Variants in CNOT6 observed in about 807,000 individuals in gnomAD.
CNOT6 encodes carbon catabolite repression 4 protein.
CNOT6 carries 12 observed loss-of-function variants against 61.2 expected under a neutral mutation model. The observed-to-expected ratio is 0.20, with a 90% CI of 0.13 to 0.32. The LOEUF (loss-of-function observed/expected upper bound fraction) is 0.32, where lower values mean the gene tolerates loss of function less well. Ranked by LOEUF, CNOT6 falls within the 10% of genes least tolerant of loss-of-function variation. CNOT6 has a pLI of 1.00. For missense variants in CNOT6, 405 were observed against 663.9 expected, an observed-to-expected ratio of 0.61 and a Z score of 4.28; for synonymous variants, 225 against 240.6, an observed-to-expected ratio of 0.94 and a Z score of 0.60.
intron 10 of CNOT6, among the ~76,000 whole-genome samples, chr5:180,570,465 A>C (rs971330434): frequency 1.3e-5 from 2 of 152,256 alleles, no homozygotes; most frequent in African/African-American, 4.8e-5. Context: ...TCATCAAGTT[A>C]TCTGGGGATT....
At chr5:180,561,980 A>G (rs761906692) in intron 4 of CNOT6, among the ~76,000 whole-genome samples, 1 of 152,148 alleles carries the variant, frequency 6.6e-6, no homozygotes, top group Non-Finnish European at 1.5e-5. Context: ...TTTAGTGTTA[A>G]GCTTGAGTAC....
chr5:180,567,047 T>C, intron 7 of CNOT6, 41 bp from the exon 8 acceptor site: 1 of 1,561,002 alleles, frequency 6.4e-7, no homozygotes, highest in Non-Finnish European at 8.7e-7. Flanking sequence ...GCAGACTAAT[T>C]TTTGTCTTAT....
chr5:180,508,834 T>TTA (rs748509510), intron 1 of CNOT6, among the ~76,000 whole-genome samples: 674 of 49,458 alleles, frequency 0.014, 6 homozygotes, highest in African/African-American at 0.026. Flanking sequence ...ATTATTATTA[T>TTA]TTTTTTTTGA....
intron 7 of CNOT6, 52 bp from the exon 8 acceptor site, chr5:180,567,036 T>G (rs918657622): frequency 6.6e-7 from 1 of 1,511,500 alleles, no homozygotes; most frequent in Non-Finnish European, 9.0e-7. Context: ...GAAGTTAATA[T>G]GCAGACTAAT....
At chr5:180,543,752 C>T (rs186983431) in intron 2 of CNOT6, among the ~76,000 whole-genome samples, 3 of 151,972 alleles carry the variant, frequency 2.0e-5, no homozygotes, top group South Asian at 4.1e-4. Flanking sequence ...GGATATTAGT[C>T]TTTTTTATTT....
intron 2 of CNOT6, among the ~76,000 whole-genome samples, chr5:180,540,026 G>A (rs368221030): frequency 2.0e-5 from 3 of 152,030 alleles, no homozygotes; most frequent in Admixed American, 6.6e-5. Context: ...AGACTTTCTG[G>A]TTCTGTTCCT....
intron 1 of CNOT6, among the ~76,000 whole-genome samples, chr5:180,503,488 C>T (rs1756980723): frequency 6.6e-6 from 1 of 151,564 alleles, no homozygotes; most frequent in South Asian, 2.1e-4. Flanking sequence ...TGGTCTCGAA[C>T]TCCTGACCTG....
chr5:180,566,899 C>T (rs1760493114), intron 7 of CNOT6, among the ~76,000 whole-genome samples, 189 bp from the exon 8 acceptor site: 1 of 151,896 alleles, frequency 6.6e-6, no homozygotes, highest in Non-Finnish European at 1.5e-5. Flanking sequence ...AGTGATCCGC[C>T]CGCCTCGGCC....
chr5:180,563,330 C>T (rs1252490169), intron 4 of CNOT6, among the ~76,000 whole-genome samples: 1 of 152,062 alleles, frequency 6.6e-6, no homozygotes, highest in East Asian at 1.9e-4. Flanking sequence ...ATTCTCCTGC[C>T]TCAGCCTCCT....
chr5:180,549,199 T>A (rs2127742667), intron 2 of CNOT6, among the ~76,000 whole-genome samples: 1 of 152,354 alleles, frequency 6.6e-6, no homozygotes, highest in East Asian at 1.9e-4. Context: ...TTTTTGTTTT[T>A]AGGCAAAATT....
At chr5:180,518,191 A>G (rs958098573) in intron 1 of CNOT6, among the ~76,000 whole-genome samples, 3 of 152,192 alleles carry the variant, frequency 2.0e-5, no homozygotes, top group Non-Finnish European at 4.4e-5. Flanking sequence ...CTTACTGCTC[A>G]AATGGTCATA....
chr5:180,497,673 G>T (rs937943097), intron 1 of CNOT6, among the ~76,000 whole-genome samples: 2 of 152,158 alleles, frequency 1.3e-5, no homozygotes, highest in Admixed American at 1.3e-4. Context: ...TGGATATGTA[G>T]ATATCTTTAT....
At chr5:180,545,105 A>G (rs1759247715) in intron 2 of CNOT6, among the ~76,000 whole-genome samples, 1 of 147,430 alleles carries the variant, frequency 6.8e-6, no homozygotes, top group Non-Finnish European at 1.5e-5. Context: ...TTCTGTTTAT[A>G]GCAAAGTAAG....
chr5:180,523,776 G>T lies in CNOT6; in HGVS notation c.-2-5499G>T, dbSNP rs146349579. 5.5e-4 allele frequency among the ~76,000 whole-genome samples: 84 copies of T among 151,906 alleles called. No individual in the cohort carries two copies. In the East Asian group the frequency reaches 0.014, roughly 26 times the overall value. ...TGTGAAGTAGACTGGATTCCTGAAG[G>T]TTTTTTTTCTCCCTCTAGATTCTGG... On this transcript the variant is annotated intron_variant, in intron 1 of 11. Coordinates refer to ENST00000261951, the MANE Select transcript of CNOT6 (RefSeq NM_001370472.1).
intron 2 of CNOT6, among the ~76,000 whole-genome samples, chr5:180,533,311 C>T (rs1394530321): frequency 1.5e-5 from 1 of 65,224 alleles, no homozygotes; most frequent in Admixed American, 1.5e-4. Context: ...TGGATGAAAA[C>T]CTATATATAT....
At chr5:180,500,046 G>T (rs1352681052) in intron 1 of CNOT6, among the ~76,000 whole-genome samples, 1 of 152,024 alleles carries the variant, frequency 6.6e-6, no homozygotes, top group Non-Finnish European at 1.5e-5. Context: ...TGCTCAAATT[G>T]TTCTCTAATT....
At chr5:180,501,339 C>G (rs761436570) in intron 1 of CNOT6, among the ~76,000 whole-genome samples, 3 of 152,148 alleles carry the variant, frequency 2.0e-5, no homozygotes, top group Non-Finnish European at 4.4e-5. Flanking sequence ...TGATTCAGAA[C>G]TTGTTTAGCT....
At chr5:180,555,010 CTTT>C (rs34968726) in intron 4 of CNOT6, among the ~76,000 whole-genome samples, 1 of 140,496 alleles carries the variant, frequency 7.1e-6, no homozygotes, top group Non-Finnish European at 1.6e-5. Context: ...CACAAATTTG[CTTT>C]TTTTTTTTTT....
At chr5:180,521,098 C>T (rs962301042) in intron 1 of CNOT6, among the ~76,000 whole-genome samples, 5 of 152,072 alleles carry the variant, frequency 3.3e-5, no homozygotes, top group East Asian at 1.9e-4. Flanking sequence ...CTTGGCCTCC[C>T]GAAGTGCTAG....
Sources: gnomAD v4.1 joint callset for allele counts (sites outside exome capture counted in the v4.1 genomes callset) on GRCh38, gnomAD v4.1.1 for gene constraint, MANE v1.5 for transcripts, NCBI Gene and HGNC (gene_info 2026-07-23, HGNC 2026-07-21) for gene names.